C7orf78: variants seen among roughly 807,000 people sequenced by gnomAD.
C7orf78 encodes putative uncharacterized protein C7orf78.
the C7orf78 span, among the ~76,000 whole-genome samples, chr7:12,485,994 A>C: frequency 2.0e-5 from 3 of 152,106 alleles, no homozygotes; most frequent in Admixed American, 2.0e-4. Context: ...AGCTCATGAA[A>C]AGGTATCTCC....
At chr7:12,537,709 C>G in the C7orf78 span, among the ~76,000 whole-genome samples, 1 of 151,920 alleles carries the variant, frequency 6.6e-6, no homozygotes, top group Non-Finnish European at 1.5e-5. Flanking sequence ...CTTGTGATAA[C>G]CTTTACATTA....
At chr7:12,489,879 A>G in the C7orf78 span, among the ~76,000 whole-genome samples, 2 of 152,214 alleles carry the variant, frequency 1.3e-5, no homozygotes, top group South Asian at 4.1e-4. Context: ...TGGCATCGAC[A>G]TTTGCTTTCA....
the C7orf78 span, among the ~76,000 whole-genome samples, chr7:12,513,192 T>C: frequency 6.6e-6 from 1 of 151,918 alleles, no homozygotes; most frequent in African/African-American, 2.4e-5. Flanking sequence ...TTTTTCTTTC[T>C]TTCTTTCTTT....
the C7orf78 span, among the ~76,000 whole-genome samples, chr7:12,500,403 C>G: frequency 6.7e-6 from 1 of 149,522 alleles, no homozygotes; most frequent in African/African-American, 2.5e-5. Flanking sequence ...GGGATATAAC[C>G]ACCAATCCCA....
chr7:12,497,892 C>G, the C7orf78 span, among the ~76,000 whole-genome samples: 1 of 150,632 alleles, frequency 6.6e-6, no homozygotes, highest in Non-Finnish European at 1.5e-5. Flanking sequence ...GATCTGAGAA[C>G]GGGCAGACTG....
chr7:12,528,046 C>T, the C7orf78 span, among the ~76,000 whole-genome samples: 6 of 145,692 alleles, frequency 4.1e-5, no homozygotes, highest in African/African-American at 1.3e-4. Context: ...AACATGTCAG[C>T]TTTCCTAGTA....
chr7:12,530,392 G>C, the C7orf78 span: 2 of 152,194 alleles, frequency 1.3e-5, no homozygotes, highest in Non-Finnish European at 1.5e-5. Context: ...TCCAGGGCCT[G>C]CTATCTGTCA....
At chr7:12,523,818 A>G in the C7orf78 span, among the ~76,000 whole-genome samples, 297 of 152,336 alleles carry the variant, frequency 1.9e-3, no homozygotes, top group African/African-American at 6.8e-3. Flanking sequence ...AAAATAGTTA[A>G]AAAGGGATAT....
chr7:12,497,961 C>A, the C7orf78 span, among the ~76,000 whole-genome samples: 1 of 151,938 alleles, frequency 6.6e-6, no homozygotes, highest in Admixed American at 6.5e-5. Context: ...GAGGCACCCT[C>A]CAGCAGGGGC....
At chr7:12,539,402 T>C in the C7orf78 span, among the ~76,000 whole-genome samples, 2 of 151,878 alleles carry the variant, frequency 1.3e-5, no homozygotes, top group African/African-American at 4.8e-5. Context: ...AGGTGGAGCT[T>C]GCAGTGAACC....
chr7:12,497,534 A>T, the C7orf78 span, among the ~76,000 whole-genome samples: 1 of 152,332 alleles, frequency 6.6e-6, no homozygotes, highest in Middle Eastern at 3.4e-3. Context: ...CACGGGCTTA[A>T]AAAACGGTGC....
At chr7:12,516,648 G>T in the C7orf78 span, among the ~76,000 whole-genome samples, 1 of 152,224 alleles carries the variant, frequency 6.6e-6, no homozygotes, top group Non-Finnish European at 1.5e-5. Context: ...ACCCTGCAAA[G>T]CCACAGGGGA....
chr7:12,496,303 G>T, the C7orf78 span: 2 of 152,288 alleles, frequency 1.3e-5, no homozygotes, highest in South Asian at 4.2e-4. Context: ...TACCTGAGAG[G>T]AGACTTTTGG....
chr7:12,521,315 A>G, the C7orf78 span, among the ~76,000 whole-genome samples: 1 of 151,040 alleles, frequency 6.6e-6, no homozygotes, highest in African/African-American at 2.4e-5. Flanking sequence ...CTCATTGTTT[A>G]TCTTTGTGGC....
the C7orf78 span, among the ~76,000 whole-genome samples, chr7:12,528,476 T>C: frequency 6.8e-6 from 1 of 147,672 alleles, no homozygotes; most frequent in Non-Finnish European, 1.5e-5. Flanking sequence ...CTCACTTTGG[T>C]AGAAAATGCC....
chr7:12,527,003 G>C, the C7orf78 span, among the ~76,000 whole-genome samples: 1 of 139,528 alleles, frequency 7.2e-6, no homozygotes, highest in Non-Finnish European at 1.5e-5. Flanking sequence ...CTGTGTAACT[G>C]AAATGGAACA....
chr7:12,520,468 AT>A, the C7orf78 span, among the ~76,000 whole-genome samples: 1 of 151,908 alleles, frequency 6.6e-6, no homozygotes, highest in African/African-American at 2.4e-5. Flanking sequence ...AAATTTTTAA[AT>A]TTTTTCTTTG....
At chr7:12,507,032 G>T in the C7orf78 span, 10 of 427,360 alleles carry the variant, frequency 2.3e-5, no homozygotes, top group East Asian at 2.9e-4. Flanking sequence ...GGCCGGGCGC[G>T]GTGTCACCCT....
the C7orf78 span, chr7:12,540,923 G>C: frequency 2.6e-5 from 4 of 152,160 alleles, no homozygotes; most frequent in Non-Finnish European, 4.4e-5. Context: ...CATTTAGATA[G>C]CTGATGGACC....
Sources: allele counts gnomAD v4.1 joint callset (sites outside exome capture counted in the v4.1 genomes callset), GRCh38; gene constraint gnomAD v4.1.1; transcripts MANE v1.5; gene names NCBI Gene and HGNC (gene_info 2026-07-23, HGNC 2026-07-21).